The following MACROD2 variants were observed in gnomAD, a reference collection of about 807,000 sequenced individuals.
MACROD2 encodes the protein ADP-ribose glycohydrolase MACROD2.
In MACROD2, 36 loss-of-function variants were observed where a neutral mutation model predicts 70.4. The ratio of observed to expected loss-of-function variants is 0.51; its 90% CI spans 0.39 to 0.68. MACROD2 has a LOEUF of 0.68. MACROD2 is among the 30% of genes least tolerant of loss of function. MACROD2 has a pLI of 0.00. For synonymous variants in MACROD2, 172 were observed against 178.8 expected (o/e 0.96, Z 0.30); for missense variants, 496 against 538.4 (o/e 0.92, Z 0.78).
chr20:14,409,317 A>C (rs2083724518), intron 3 of MACROD2, among the ~76,000 whole-genome samples: 1 of 151,978 alleles, frequency 6.6e-6, no homozygotes. Context: ...TATCCCTACA[A>C]CTGTACTTCT....
intron 5 of MACROD2, among the ~76,000 whole-genome samples, chr20:14,899,455 G>A (rs2073870205): frequency 6.6e-6 from 1 of 152,078 alleles, no homozygotes; most frequent in African/African-American, 2.4e-5. Context: ...CCTACCTTTT[G>A]GTGGGTTTCT....
intron 4 of MACROD2, among the ~76,000 whole-genome samples, chr20:14,630,789 C>T (rs1984463908): frequency 6.6e-6 from 1 of 152,132 alleles, no homozygotes; most frequent in East Asian, 1.9e-4. Context: ...ATTATTTAAT[C>T]CCTTTTGAAA....
At chr20:15,593,089 C>T (rs556029213) in intron 8 of MACROD2, among the ~76,000 whole-genome samples, 3 of 152,214 alleles carry the variant, frequency 2.0e-5, no homozygotes, top group South Asian at 2.1e-4. Flanking sequence ...TGCAGTGTGG[C>T]GGTCCCTGGT....
At chr20:14,102,833 T>G (rs1212801274) in intron 3 of MACROD2, among the ~76,000 whole-genome samples, 2 of 151,954 alleles carry the variant, frequency 1.3e-5, no homozygotes, top group Non-Finnish European at 2.9e-5. Context: ...GGATGTAGGA[T>G]GGGGAAGAAC....
At chr20:15,644,251 T>A (rs1015568322) in intron 8 of MACROD2, among the ~76,000 whole-genome samples, 1 of 152,120 alleles carries the variant, frequency 6.6e-6, no homozygotes, top group African/African-American at 2.4e-5. Context: ...CATCGTTACA[T>A]CCCCACCACC....
chr20:15,258,230 A>G, intron 6 of MACROD2, among the ~76,000 whole-genome samples: 1 of 152,032 alleles, frequency 6.6e-6, no homozygotes, highest in African/African-American at 2.4e-5. Context: ...TATTGAAGAA[A>G]AACTTTTTAA....
At chr20:14,176,608 CAGTT>C (rs142708773) in intron 3 of MACROD2, among the ~76,000 whole-genome samples, 2,899 of 152,230 alleles carry the variant, frequency 0.019, 44 homozygotes, top group South Asian at 0.047. Flanking sequence ...AATTAACTGG[CAGTT>C]AGTGCTGTGT....
At chr20:14,909,214 T>C (rs1378378182) in intron 5 of MACROD2, among the ~76,000 whole-genome samples, 1 of 152,154 alleles carries the variant, frequency 6.6e-6, no homozygotes, top group African/African-American at 2.4e-5. Context: ...TCTTGTTAAC[T>C]ACTGCTCTGT....
chr20:15,899,841 T>G (rs1434250781), intron 10 of MACROD2, among the ~76,000 whole-genome samples: 3 of 152,240 alleles, frequency 2.0e-5, no homozygotes, highest in African/African-American at 7.2e-5. Context: ...GATGAAATTA[T>G]ATGTGGAAAC....
intron 6 of MACROD2, among the ~76,000 whole-genome samples, chr20:15,326,537 A>G (rs566250107): frequency 6.6e-6 from 1 of 152,254 alleles, no homozygotes; most frequent in Admixed American, 6.5e-5. Context: ...ATTCTTAAAG[A>G]TAAATTCCCT....
chr20:14,119,529 C>T (rs947646297), intron 3 of MACROD2, among the ~76,000 whole-genome samples: 1 of 152,120 alleles, frequency 6.6e-6, no homozygotes, highest in Admixed American at 6.5e-5. Context: ...TCAAGTGTTT[C>T]TGTAACATTC....
chr20:14,690,466 T>C (rs2071050345), intron 5 of MACROD2, among the ~76,000 whole-genome samples: 1 of 152,222 alleles, frequency 6.6e-6, no homozygotes, highest in African/African-American at 2.4e-5. Context: ...TGATAATAAT[T>C]AGTACTTCTT....
intron 5 of MACROD2, among the ~76,000 whole-genome samples, chr20:15,206,143 A>T (rs956228082): frequency 2.0e-5 from 3 of 152,284 alleles, no homozygotes; most frequent in Admixed American, 6.5e-5. Flanking sequence ...GTTCTTTTTT[A>T]AAAAAACTTT....
chr20:14,678,154 A>G (rs1031370970), intron 4 of MACROD2, among the ~76,000 whole-genome samples: 1 of 152,144 alleles, frequency 6.6e-6, no homozygotes, highest in East Asian at 1.9e-4. Flanking sequence ...CTCCTGGGTC[A>G]TTGGTGTCCT....
At chr20:14,497,034 G>T (rs985139738) in intron 4 of MACROD2, among the ~76,000 whole-genome samples, 1 of 151,726 alleles carries the variant, frequency 6.6e-6, no homozygotes, top group Non-Finnish European at 1.5e-5. Flanking sequence ...CCTTGCCCTG[G>T]CACTGTGGTT....
intron 8 of MACROD2, among the ~76,000 whole-genome samples, chr20:15,826,145 A>G (rs959660814): frequency 1.3e-5 from 2 of 152,254 alleles, no homozygotes; most frequent in Non-Finnish European, 2.9e-5. Flanking sequence ...TTGCACAGAT[A>G]TTTGTAATTC....
chr20:15,743,875 A>T (rs1160026959), intron 8 of MACROD2, among the ~76,000 whole-genome samples: 1 of 152,156 alleles, frequency 6.6e-6, no homozygotes, highest in Non-Finnish European at 1.5e-5. Flanking sequence ...ATATCAACTT[A>T]TACAAAAAAA....
intron 8 of MACROD2, among the ~76,000 whole-genome samples, chr20:15,735,046 C>CACCT (rs2146956183): frequency 6.6e-6 from 1 of 152,164 alleles, no homozygotes; most frequent in South Asian, 2.1e-4. Context: ...CTGCAACCTC[C>CACCT]ACCTCCCAGG....
At chr20:14,542,663 C>T (rs1472341836) in intron 4 of MACROD2, among the ~76,000 whole-genome samples, 1 of 151,884 alleles carries the variant, frequency 6.6e-6, no homozygotes, top group Non-Finnish European at 1.5e-5. Flanking sequence ...TGAAATGTAC[C>T]AAAATCAGAT....
Sources: allele counts gnomAD v4.1 joint callset (sites outside exome capture counted in the v4.1 genomes callset), GRCh38; gene constraint gnomAD v4.1.1; transcripts MANE v1.5; gene names NCBI Gene and HGNC (gene_info 2026-07-23, HGNC 2026-07-21).